GSTO2: variants seen among roughly 807,000 people sequenced by gnomAD.
The protein encoded by GSTO2 is glutathione S-transferase omega-2.
A neutral mutation model predicts 28.4 loss-of-function variants in GSTO2; 23 were observed. The observed-to-expected ratio is 0.81, with a 90% CI of 0.58 to 1.15. GSTO2 has a LOEUF of 1.15. GSTO2 is among the 50% of genes most tolerant of loss of function. The pLI, the probability that GSTO2 is intolerant of heterozygous loss-of-function variation, is 0.00. For synonymous variants in GSTO2, 109 were observed against 111.0 expected (o/e 0.98, Z 0.11); for missense variants, 298 against 297.8 (o/e 1.00, Z 0.00).
Position 104,274,666 on chromosome 10 carries a change from T to A in GSTO2, c.-231-19T>A, listed in dbSNP as rs34430511. 1 of 573,888 alleles carries A rather than the reference T, an allele frequency of 1.7e-6. No individual in the cohort carries two copies. Among genetic ancestry groups the A allele is most frequent in the East Asian group, 3.1e-5 (1 of 32,256 alleles). The allele number at this position is 573,888 out of a possible 1,614,324, so 35.5% of individuals were successfully genotyped here. A position where few individuals can be genotyped will look rare whatever the true frequency, so the allele number is the denominator to read the frequency against. On this transcript the variant is annotated intron_variant, in intron 1 of 6. Coordinates refer to ENST00000338595, the MANE Select transcript of GSTO2 (RefSeq NM_183239.2). ...GGAGCTTTTCTGGTGTTATTTTGTC[T>A]TGTTTTGTTTTTTGCCAGCTCCTAC...
At position 104,274,766 on chromosome 10, in the gene GSTO2, G is replaced by T; in HGVS notation, c.-150G>T. ...AGCTCCTGCTCCAGATCGCTTCCCC[G>T]TGCCCCGCCAGAGCCCAGTAGTTCA... On this transcript the variant is annotated 5_prime_UTR_variant, in exon 2 of 7. Transcript: ENST00000338595. 2 of 923,914 alleles carry T rather than the reference G, an allele frequency of 2.2e-6. No individual in the cohort carries two copies. Among genetic ancestry groups the T allele is most frequent in the Non-Finnish European group, 3.4e-6 (2 of 596,820 alleles). 57.2% of individuals were successfully genotyped at this position (923,914 alleles called of 1,614,324 possible).
intron 1 of GSTO2, among the ~76,000 whole-genome samples, chr10:104,269,966 A>AT (rs2011307209): frequency 6.6e-6 from 1 of 150,756 alleles, no homozygotes; most frequent in Non-Finnish European, 1.5e-5. Flanking sequence ...TATATGTGCT[A>AT]TTTTTCCAGT....
At chr10:104,282,869 A>G (rs1216290743) in intron 5 of GSTO2, among the ~76,000 whole-genome samples, 1 of 152,214 alleles carries the variant, frequency 6.6e-6, no homozygotes, top group Non-Finnish European at 1.5e-5. Context: ...GCTTAGAAGA[A>G]CAATGTATGG....
chr10:104,277,979 A>T lies in GSTO2; in HGVS notation c.229A>T (p.Thr77Ser). ...HPFGHIPVLE[T>S]SQCQLIYESV... Reference sequence around the variant, plus strand: ...TTTTGGCCACATTCCTGTCCTGGAGACCAGCCAATGTCAACTGATCTATGA... The same window carrying T: ...TTTTGGCCACATTCCTGTCCTGGAGTCCAGCCAATGTCAACTGATCTATGA... The change falls in exon 4 of 7, where the codon ACC (threonine) becomes TCC (serine). Residue 77 changes from threonine (T) to serine (S), a missense_variant. Thr to Ser is a moderately conservative substitution (Grantham distance 58). Coordinates refer to ENST00000338595, the MANE Select transcript of GSTO2 (RefSeq NM_183239.2). The T allele has an allele frequency of 6.2e-7, 1 of 1,613,464 alleles. No homozygotes were observed. Among genetic ancestry groups the T allele is most frequent in the Non-Finnish European group, 8.5e-7 (1 of 1,179,870 alleles).
chr10:104,300,908 T>A lies in GSTO2; in HGVS notation c.*1624T>A, dbSNP rs1467523705. 6.6e-6 allele frequency: 1 copy of A among 152,318 alleles called. No individual in the cohort carries two copies. Among genetic ancestry groups the A allele is most frequent in the Non-Finnish European group, 1.5e-5 (1 of 68,112 alleles). 9.4% of individuals were successfully genotyped at this position (152,318 alleles called of 1,614,324 possible). On this transcript the variant is annotated 3_prime_UTR_variant, in exon 7 of 7. Coordinates refer to ENST00000338595, the MANE Select transcript of GSTO2 (RefSeq NM_183239.2). The stretch of plus-strand genomic sequence containing the variant: ...CTGGCTCTGGGTATATTTTGACCCA[T>A]GTAAATAGTTACCAGGTGTTACTCT...
intron 5 of GSTO2, among the ~76,000 whole-genome samples, chr10:104,283,428 C>A (rs930540380): frequency 6.6e-5 from 10 of 152,158 alleles, no homozygotes; most frequent in African/African-American, 2.4e-4. Context: ...GAGTTCAAGA[C>A]CAGCCTGGGC....
At chr10:104,269,960 T>C (rs2011306735) in intron 1 of GSTO2, among the ~76,000 whole-genome samples, 1 of 152,126 alleles carries the variant, frequency 6.6e-6, no homozygotes, top group African/African-American at 2.4e-5. Context: ...TGAATTTATA[T>C]GTGCTATTTT....
chr10:104,284,815 G>C (rs1039984101), intron 5 of GSTO2, among the ~76,000 whole-genome samples: 1 of 152,128 alleles, frequency 6.6e-6, no homozygotes, highest in Non-Finnish European at 1.5e-5. Context: ...AGGTGGATTT[G>C]GTCAGATTTC....
Position 104,277,974 on chromosome 10 carries a change from T to A in GSTO2, c.224T>A (p.Leu75Gln). ...TKHPFGHIPV[L>Q]ETSQCQLIYE... ...CACCCTTTTGGCCACATTCCTGTCC[T>A]GGAGACCAGCCAATGTCAACTGATC... Residue 75 changes from leucine to glutamine, a missense_variant, in exon 4 of 7, where the codon CTG (leucine) becomes CAG (glutamine). Coordinates refer to ENST00000338595, the MANE Select transcript of GSTO2 (RefSeq NM_183239.2). 1.9e-6 allele frequency: 3 copies of A among 1,614,080 alleles called. No homozygotes were observed. Among genetic ancestry groups the A allele is most frequent in the Non-Finnish European group, 2.5e-6 (3 of 1,179,922 alleles).
chr10:104,270,580 A>G (rs1055415561), intron 1 of GSTO2, among the ~76,000 whole-genome samples: 1 of 152,174 alleles, frequency 6.6e-6, no homozygotes, highest in Non-Finnish European at 1.5e-5. Context: ...AGATAGCCTC[A>G]TTTGACCCTG....
chr10:104,279,318 A>G, intron 4 of GSTO2, 52 bp from the exon 5 acceptor site: 1 of 1,467,722 alleles, frequency 6.8e-7, no homozygotes, highest in East Asian at 2.3e-5. Context: ...GCAGAACAGG[A>G]ACTGGAAGTT....
chr10:104,299,406 A>C lies in GSTO2; in HGVS notation c.*122A>C. 1 of 1,112,638 alleles carries C rather than the reference A, an allele frequency of 9.0e-7. No homozygotes were observed. Among genetic ancestry groups the C allele is most frequent in the Admixed American group, 2.2e-5 (1 of 44,730 alleles). 68.9% of individuals were successfully genotyped at this position (1,112,638 alleles called of 1,614,324 possible). ...TCTTTGAAGTTCCCAATAAAATGAAAACAGGAAATGTATTCTTCTGATAAT... is the reference window on the plus strand; with the variant it reads ...TCTTTGAAGTTCCCAATAAAATGAACACAGGAAATGTATTCTTCTGATAAT... On this transcript the variant is annotated 3_prime_UTR_variant, in exon 7 of 7. Coordinates refer to ENST00000338595, the MANE Select transcript of GSTO2 (RefSeq NM_183239.2).
chr10:104,275,021 C>T, intron 2 of GSTO2, 72 bp downstream of exon 2: 1 of 1,547,222 alleles, frequency 6.5e-7, no homozygotes, highest in East Asian at 2.4e-5. Context: ...GGCGGAGCTG[C>T]CTGGCCTTGG....
chr10:104,289,975 C>T (rs1172675480), intron 5 of GSTO2, among the ~76,000 whole-genome samples: 2 of 152,158 alleles, frequency 1.3e-5, no homozygotes, highest in African/African-American at 4.8e-5. Flanking sequence ...CCCTCGTTCA[C>T]TGGGGCGGGA....
chr10:104,274,250 T>A (rs1441242083), intron 1 of GSTO2, among the ~76,000 whole-genome samples: 1 of 152,136 alleles, frequency 6.6e-6, no homozygotes, highest in Non-Finnish European at 1.5e-5. Flanking sequence ...GGGTAAAATC[T>A]CACAAGTAGG....
chr10:104,304,907 T>C lies in GSTO2; in HGVS notation c.*5623T>C, dbSNP rs2013354652. Reference sequence around the variant, plus strand: ...TGTGCATTCTGAAATCTTGCAATGTTGATGATGTAAAATAAATCTTCTCTC... The same window carrying C: ...TGTGCATTCTGAAATCTTGCAATGTCGATGATGTAAAATAAATCTTCTCTC... On this transcript the variant is annotated 3_prime_UTR_variant, in exon 7 of 7. Coordinates refer to ENST00000338595, the MANE Select transcript of GSTO2 (RefSeq NM_183239.2). 1 of 152,246 alleles carries C rather than the reference T, an allele frequency of 6.6e-6. No individual in the cohort carries two copies. Among genetic ancestry groups the C allele is most frequent in the Admixed American group, 6.5e-5 (1 of 15,286 alleles). The allele number at this position is 152,246 out of a possible 1,614,324, so 9.4% of individuals were successfully genotyped here. A position where few individuals can be genotyped will look rare whatever the true frequency, so the allele number is the denominator to read the frequency against.
chr10:104,282,824 T>C lies in GSTO2; in HGVS notation c.468+3353T>C, dbSNP rs549587005. Among the ~76,000 whole-genome samples the C allele has an allele frequency of 4.3e-4, 65 of 152,202 alleles. 1 individual carries two copies. The highest frequency in any genetic ancestry group is 3.7e-3 in the South Asian group (18 of 4,826). ...TGAGGGAAGACACATTTTGTCAAAT[T>C]TGTGGTGTTGATGGGATATTCATAT... On this transcript the variant is annotated intron_variant, in intron 5 of 6. Coordinates refer to ENST00000338595, the MANE Select transcript of GSTO2 (RefSeq NM_183239.2).
At chr10:104,270,355 C>A (rs1470669762) in intron 1 of GSTO2, among the ~76,000 whole-genome samples, 1 of 150,074 alleles carries the variant, frequency 6.7e-6, no homozygotes, top group Non-Finnish European at 1.5e-5. Context: ...TGGGATTTAA[C>A]AGGAGTTAAT....
rs143638939 is a variant in GSTO2, at chr10:104,269,718, T to C, written c.-232+449T>C. Among the ~76,000 whole-genome samples the C allele has an allele frequency of 2.0e-5, 3 of 152,302 alleles. No homozygotes were observed. In the East Asian group the frequency reaches 5.8e-4, roughly 29 times the overall value. On this transcript the variant is annotated intron_variant, in intron 1 of 6. Coordinates refer to ENST00000338595, the MANE Select transcript of GSTO2 (RefSeq NM_183239.2). ...CATTGAAATAATCATAAAATAATAA[T>C]AGCTAATGTTGAACACTTACTATGT...
Sources: gnomAD v4.1 joint callset for allele counts (sites outside exome capture counted in the v4.1 genomes callset) on GRCh38, gnomAD v4.1.1 for gene constraint, MANE v1.5 for transcripts, NCBI Gene and HGNC (gene_info 2026-07-23, HGNC 2026-07-21) for gene names.